The following CNTLN variants were observed in gnomAD, a reference collection of about 807,000 sequenced individuals.
CNTLN encodes centlein.
In CNTLN, 212 loss-of-function variants were observed where a neutral mutation model predicts 180.0. The observed-to-expected ratio is 1.18, with a 90% CI of 1.05 to 1.32. The LOEUF (loss-of-function observed/expected upper bound fraction) is 1.32, where lower values mean the gene tolerates loss of function less well. CNTLN is among the 40% of genes most tolerant of loss of function. CNTLN has a pLI of 0.00. For missense variants in CNTLN, 2,095 were observed against 1,610.9 expected (o/e 1.30, Z -5.14); for synonymous variants, 722 against 563.1 (o/e 1.28, Z -3.99).
chr9:17,301,595 C>T (rs1353081513), intron 7 of CNTLN: 1 of 984,132 alleles, frequency 1.0e-6, no homozygotes, highest in East Asian at 1.1e-4. Context: ...TTGATTCTCA[C>T]TTTGAAATTG....
At chr9:17,268,890 G>C (rs913122794) in intron 5 of CNTLN, among the ~76,000 whole-genome samples, 1 of 151,882 alleles carries the variant, frequency 6.6e-6, no homozygotes, top group Non-Finnish European at 1.5e-5. Flanking sequence ...CGTCAGAAAA[G>C]TGCAGTATTA....
chr9:17,330,997 T>G (rs1469622170), intron 9 of CNTLN, among the ~76,000 whole-genome samples, 189 bp downstream of exon 9: 1 of 151,974 alleles, frequency 6.6e-6, no homozygotes, highest in Non-Finnish European at 1.5e-5. Context: ...AAAGACTGAG[T>G]TATATTCCCA....
chr9:17,135,706 C>G (rs1817666531), intron 1 of CNTLN, among the ~76,000 whole-genome samples: 1 of 152,172 alleles, frequency 6.6e-6, no homozygotes, highest in African/African-American at 2.4e-5. Context: ...CGCATCCTCT[C>G]CGCTTCCCCC....
At chr9:17,168,102 A>G (rs1820201243) in intron 2 of CNTLN, 1 of 152,214 alleles carries the variant, frequency 6.6e-6, no homozygotes, top group Non-Finnish European at 1.5e-5. Context: ...TTGCTATTCA[A>G]ATATGTTTAT....
rs1820582604 is a variant in CNTLN at position 17,330,634 on chromosome 9, A to G, written c.1344A>G (p.Val448=). 1 of 1,548,684 alleles carries G rather than the reference A, an allele frequency of 6.5e-7. No individual in the cohort carries two copies. The highest frequency in any genetic ancestry group is 1.4e-5 in the African/African-American group (1 of 71,836). ...TACAATTATACTTTTTAAAATAGGT[A>G]CCTCATCGCCCATCCTTATCAAGCT... ...QESDPDYSAQ[V]PHRPSLSSLE... Residue 448 remains valine (V), a splice_region_variant and synonymous_variant, in exon 9 of 26, where the codon GTA becomes GTG. Transcript: ENST00000380647.
intron 2 of CNTLN, among the ~76,000 whole-genome samples, chr9:17,223,758 A>C (rs921661482): frequency 6.6e-6 from 1 of 151,878 alleles, no homozygotes; most frequent in Non-Finnish European, 1.5e-5. Context: ...GTTATATGTT[A>C]TTTCTCTGCT....
Position 17,178,493 on chromosome 9 carries a change from C to T in CNTLN, c.449+35117C>T, listed in dbSNP as rs567068401. On this transcript the variant is annotated intron_variant, in intron 2 of 25. Coordinates refer to ENST00000380647, the MANE Select transcript of CNTLN (RefSeq NM_017738.4). ...GCTGGTTAGGGAGGCTCGGGCTGCC[C>T]GGGATCCCACAGCAGGGCGGGGGCG... Among the ~76,000 whole-genome samples the T allele has an allele frequency of 2.4e-3, 358 of 152,136 alleles. 4 individuals are homozygous for T. Among genetic ancestry groups the T allele is most frequent in the Non-Finnish European group, 3.2e-3 (219 of 67,976 alleles).
At chr9:17,232,302 C>T (rs7855656) in intron 3 of CNTLN, among the ~76,000 whole-genome samples, 2,039 of 151,844 alleles carry the variant, frequency 0.013, 48 homozygotes, top group African/African-American at 0.047. Context: ...AACTAATTAT[C>T]GGAATATAAT....
At chr9:17,357,204 G>A (rs990952896) in intron 12 of CNTLN, among the ~76,000 whole-genome samples, 6 of 152,042 alleles carry the variant, frequency 3.9e-5, no homozygotes, top group African/African-American at 1.4e-4. Context: ...TTTTAAGGCT[G>A]AATAATGTTT....
intron 18 of CNTLN, among the ~76,000 whole-genome samples, chr9:17,433,239 T>A (rs1203885719): frequency 6.6e-6 from 1 of 152,048 alleles, no homozygotes; most frequent in Non-Finnish European, 1.5e-5. Context: ...TACTGTACAT[T>A]TTGATAGATA....
At chr9:17,165,986 C>A (rs1820044316) in intron 2 of CNTLN, among the ~76,000 whole-genome samples, 1 of 152,202 alleles carries the variant, frequency 6.6e-6, no homozygotes, top group Admixed American at 6.5e-5. Flanking sequence ...TATCCAACAT[C>A]ATTTTTAGTT....
intron 2 of CNTLN, among the ~76,000 whole-genome samples, chr9:17,181,381 T>TC (rs1821116450): frequency 6.6e-6 from 1 of 152,280 alleles, no homozygotes. Context: ...CGTTGTATCT[T>TC]CTGTCTCTTT....
intron 6 of CNTLN, among the ~76,000 whole-genome samples, chr9:17,276,750 C>T (rs1326354232): frequency 6.6e-6 from 1 of 152,024 alleles, no homozygotes; most frequent in Non-Finnish European, 1.5e-5. Context: ...TATGTGCATC[C>T]TCCTGTATAC....
chr9:17,519,085 G>GTTATTTATTTATTTATTATTTATTTAT, the CNTLN span, among the ~76,000 whole-genome samples: 10,022 of 151,108 alleles, frequency 0.066, 937 homozygotes, highest in African/African-American at 0.21. Context: ...ACCAGGCCTA[G>GTTATTTATTTATTTATTATTTATTTAT]TTATTTATTT....
At chr9:17,409,269 A>G (rs747430674) in intron 15 of CNTLN, 24 bp from the exon 16 acceptor site, 1 of 1,597,618 alleles carries the variant, frequency 6.3e-7, no homozygotes. Flanking sequence ...CTTGGATTTT[A>G]TGTCCCTACT....
At chr9:17,327,213 C>CTTTTTT (rs71492913) in intron 8 of CNTLN, among the ~76,000 whole-genome samples, 1 of 117,754 alleles carries the variant, frequency 8.5e-6, no homozygotes, top group Non-Finnish European at 1.7e-5. Flanking sequence ...AGTAGTTAAC[C>CTTTTTT]TTTTTTTTTT....
intron 13 of CNTLN, among the ~76,000 whole-genome samples, chr9:17,368,292 C>T (rs960797014): frequency 6.6e-6 from 1 of 152,108 alleles, no homozygotes. Flanking sequence ...GTGGGAAGGA[C>T]TGTGTCTGGT....
At chr9:17,155,198 AAC>A (rs748579442) in intron 2 of CNTLN, among the ~76,000 whole-genome samples, 10 of 152,210 alleles carry the variant, frequency 6.6e-5, no homozygotes, top group Non-Finnish European at 1.2e-4. Flanking sequence ...TAAGAACTGT[AAC>A]ACTCACCGCG....
intron 5 of CNTLN, among the ~76,000 whole-genome samples, chr9:17,256,801 G>A (rs1826526342): frequency 6.6e-6 from 1 of 151,674 alleles, no homozygotes; most frequent in South Asian, 2.1e-4. Context: ...GTTTTCACTG[G>A]CCTGTTTCGA....
Sources: allele counts gnomAD v4.1 joint callset (sites outside exome capture counted in the v4.1 genomes callset), GRCh38; gene constraint gnomAD v4.1.1; transcripts MANE v1.5; gene names NCBI Gene and HGNC (gene_info 2026-07-23, HGNC 2026-07-21).